Variants in FRMPD2 observed in about 807,000 individuals in gnomAD.
FRMPD2 encodes the protein FERM and PDZ domain containing 2.
FRMPD2 carries 96 observed loss-of-function variants against 140.1 expected under a neutral mutation model. That is an observed-to-expected ratio of 0.69 (90% CI 0.58 to 0.81). The LOEUF is 0.81. Ranked by LOEUF, FRMPD2 falls within the 40% of genes least tolerant of loss-of-function variation. FRMPD2 has a pLI of 0.00. For missense variants in FRMPD2, 1,240 were observed against 1,447.4 expected (o/e 0.86, Z 2.32); for synonymous variants, 449 against 547.6 (o/e 0.82, Z 2.52).
chr10:48,236,260 G>A (rs1564434725), intron 9 of FRMPD2, among the ~76,000 whole-genome samples: 1 of 152,166 alleles, frequency 6.6e-6, no homozygotes, highest in African/African-American at 2.4e-5. Flanking sequence ...GAGGCTGGGA[G>A]GGCCAGCAGG....
At chr10:48,186,464 C>T (rs1315369413) in intron 17 of FRMPD2, among the ~76,000 whole-genome samples, 1 of 152,190 alleles carries the variant, frequency 6.6e-6, no homozygotes, top group Non-Finnish European at 1.5e-5. Context: ...ATCACGGGGG[C>T]TGGTCTTTCC....
chr10:48,222,945 T>C (rs1393433055), intron 11 of FRMPD2, among the ~76,000 whole-genome samples, 178 bp downstream of exon 11: 1 of 152,126 alleles, frequency 6.6e-6, no homozygotes, highest in East Asian at 1.9e-4. Context: ...AAAAAACTGA[T>C]TTTCCTCCTT....
chr10:48,264,898 T>C (rs1199808086), intron 1 of FRMPD2, among the ~76,000 whole-genome samples: 2 of 151,688 alleles, frequency 1.3e-5, no homozygotes, highest in Non-Finnish European at 3.0e-5. Flanking sequence ...CAAGAGTTAC[T>C]ATACCAAGGC....
Position 48,174,968 on chromosome 10 carries a change from T to G in FRMPD2, c.2990-13A>C. Reference sequence around the variant, plus strand: ...AGGAGTCGGTCACCTGGGAAAGGGATAGATGTCATGTCATGACCTGGTGCT... The same window carrying G: ...AGGAGTCGGTCACCTGGGAAAGGGAGAGATGTCATGTCATGACCTGGTGCT... On this transcript the variant is annotated splice_polypyrimidine_tract_variant and intron_variant, in intron 23 of 28. Coordinates refer to ENST00000374201, the MANE Select transcript of FRMPD2 (RefSeq NM_001018071.4). 1.4e-6 allele frequency: 1 copy of G among 739,874 alleles called. No homozygotes were observed. The highest frequency in any genetic ancestry group is 2.4e-6 in the Non-Finnish European group (1 of 423,192). The allele number at this position is 739,874 out of a possible 1,614,324, so 45.8% of individuals were successfully genotyped here.
intron 20 of FRMPD2, among the ~76,000 whole-genome samples, chr10:48,183,025 G>A (rs1400222666): frequency 6.6e-6 from 1 of 152,204 alleles, no homozygotes; most frequent in East Asian, 1.9e-4. Context: ...TGAAGGGTGT[G>A]GGGCTGAGAC....
chr10:48,201,149 A>T, intron 15 of FRMPD2, 79 bp downstream of exon 15: 1 of 1,101,844 alleles, frequency 9.1e-7, no homozygotes, highest in Middle Eastern at 2.1e-4. Context: ...CCCCAGATCA[A>T]TTGTATCTAT....
chr10:48,224,223 G>GC (rs1186840017), intron 10 of FRMPD2, among the ~76,000 whole-genome samples: 6 of 151,090 alleles, frequency 4.0e-5, no homozygotes, highest in Non-Finnish European at 8.8e-5. Flanking sequence ...TCTCTTCACA[G>GC]CAAAGCTCAA....
intron 15 of FRMPD2, among the ~76,000 whole-genome samples, chr10:48,193,772 T>G (rs567104468): frequency 1.3e-5 from 2 of 152,200 alleles, no homozygotes; most frequent in South Asian, 4.1e-4. Context: ...TGTGTGCACA[T>G]GCACTTCTAG....
intron 28 of FRMPD2, among the ~76,000 whole-genome samples, chr10:48,160,735 C>T (rs1364877529): frequency 7.1e-6 from 1 of 140,900 alleles, no homozygotes. Context: ...GCGACAGTCA[C>T]CTCAGAACTG....
At chr10:48,190,808 T>G (rs1318131165) in intron 16 of FRMPD2, among the ~76,000 whole-genome samples, 1 of 152,188 alleles carries the variant, frequency 6.6e-6, no homozygotes, top group Non-Finnish European at 1.5e-5. Flanking sequence ...CATGCAACAC[T>G]GAAAAGCCCC....
intron 20 of FRMPD2, 103 bp downstream of exon 20, chr10:48,184,463 A>C (rs934051881): frequency 4.2e-6 from 3 of 719,056 alleles, no homozygotes; most frequent in Admixed American, 2.3e-5. Context: ...GGAAAGCAAT[A>C]TAGAAGACCT....
At chr10:48,210,233 G>A (rs879425939) in intron 13 of FRMPD2, among the ~76,000 whole-genome samples, 13 of 152,078 alleles carry the variant, frequency 8.5e-5, no homozygotes, top group Non-Finnish European at 1.6e-4. Context: ...ACCACAGGCA[G>A]GCAACACCAG....
intron 4 of FRMPD2, among the ~76,000 whole-genome samples, chr10:48,244,503 C>T (rs1840199462): frequency 6.6e-6 from 1 of 152,148 alleles, no homozygotes; most frequent in South Asian, 2.1e-4. Flanking sequence ...AATTCTCTAG[C>T]TTGCTATTAA....
intron 7 of FRMPD2, 146 bp downstream of exon 7, chr10:48,239,459 T>G (rs1258351605): frequency 1.8e-6 from 1 of 560,030 alleles, no homozygotes; most frequent in Non-Finnish European, 3.2e-6. Context: ...AAATGTGGCT[T>G]CTTCATCTGT....
intron 12 of FRMPD2, among the ~76,000 whole-genome samples, chr10:48,218,236 C>T (rs112802763): frequency 1.3e-5 from 2 of 152,174 alleles, no homozygotes; most frequent in African/African-American, 4.8e-5. Context: ...TTTTTAAAGG[C>T]CCTAACTCCA....
intron 1 of FRMPD2, among the ~76,000 whole-genome samples, chr10:48,268,688 T>C (rs1840717951): frequency 2.0e-5 from 3 of 152,162 alleles, no homozygotes; most frequent in Admixed American, 1.3e-4. Flanking sequence ...TCAGAGATAG[T>C]AGAAGCAGGG....
intron 15 of FRMPD2, chr10:48,199,914 C>G (rs1033421594): frequency 9.2e-5 from 14 of 152,032 alleles, no homozygotes; most frequent in African/African-American, 3.4e-4. Context: ...ACATCTTGTG[C>G]AATTTTACAG....
In FRMPD2 at chr10:48,242,180, ACCAAG is replaced by A. The variant is rs768671848; in HGVS notation, c.543_547del (p.Leu182SerfsTer6). 6.2e-7 allele frequency: 1 copy of A among 1,613,488 alleles called. No homozygotes were observed. The highest frequency in any genetic ancestry group is 1.1e-5 in the South Asian group (1 of 90,932). On this transcript the variant is annotated frameshift_variant, in exon 5 of 29. Transcript: ENST00000374201. LOFTEE classifies it high-confidence loss of function. Reference sequence around the variant, plus strand: ...ACTGACCTCAGAAATGGTACCCAGAACCAAGCCAACCAGCCTTCTGATGTGGAGAC... The same window carrying A: ...ACTGACCTCAGAAATGGTACCCAGAACCAACCAGCCTTCTGATGTGGAGAC...
intron 21 of FRMPD2, among the ~76,000 whole-genome samples, chr10:48,180,286 C>T (rs551519987): frequency 2.2e-4 from 34 of 152,340 alleles, no homozygotes; most frequent in African/African-American, 7.7e-4. Flanking sequence ...GAGAAGACAA[C>T]ACCACTGGGA....
Sources: gnomAD v4.1 joint callset for allele counts (sites outside exome capture counted in the v4.1 genomes callset) on GRCh38, gnomAD v4.1.1 for gene constraint, MANE v1.5 for transcripts, NCBI Gene and HGNC (gene_info 2026-07-23, HGNC 2026-07-21) for gene names.